CACFD1: variants seen among roughly 807,000 people sequenced by gnomAD.
CACFD1 encodes calcium channel flower domain containing 1.
A neutral mutation model predicts 21.3 loss-of-function variants in CACFD1; 26 were observed. The ratio of observed to expected loss-of-function variants is 1.22; its 90% CI spans 0.89 to 1.69. The LOEUF (loss-of-function observed/expected upper bound fraction) is 1.69. Ranked by LOEUF, CACFD1 falls within the 40% of genes most tolerant of loss-of-function variation. The pLI is 0.00. For missense variants in CACFD1, 265 were observed against 236.2 expected, an observed-to-expected ratio of 1.12 and a Z score of -0.80; for synonymous variants, 121 against 106.6, an observed-to-expected ratio of 1.13 and a Z score of -0.83.
At chr9:133,468,314 C>A in intron 4 of CACFD1, 1 of 1,531,628 alleles carries the variant, frequency 6.5e-7, no homozygotes, top group Non-Finnish European at 8.7e-7. Context: ...GGGCATTGTA[C>A]TCAGTTGCCA....
Position 133,468,030 on chromosome 9 carries a change from T to A in CACFD1, c.428+2T>A, listed in dbSNP as rs1303491224. On this transcript the variant is annotated splice_donor_variant, in intron 4 of 4. Coordinates refer to ENST00000316948, the MANE Select transcript of CACFD1 (RefSeq NM_017586.5). LOFTEE classifies it high-confidence loss of function. ...CGGACTCTCTGCTCTGGGCAAAAAG[T>A]GCGTCTGCCAGGCCCAGCCCCTGGG... is the stretch of plus-strand genomic sequence containing the variant. The A allele has an allele frequency of 1.2e-6, 2 of 1,611,900 alleles. No individual in the cohort carries two copies. Among genetic ancestry groups the A allele is most frequent in the Non-Finnish European group, 1.7e-6 (2 of 1,178,490 alleles).
At chr9:133,467,008 C>T (rs1158024459) in intron 3 of CACFD1, among the ~76,000 whole-genome samples, 4 of 152,174 alleles carry the variant, frequency 2.6e-5, no homozygotes, top group Non-Finnish European at 4.4e-5. Context: ...GAAGGTTCCC[C>T]GCCGTGGTCT....
chr9:133,460,497 C>CGGGGGCGGGGGGGGGGCGGGGGGGCGG (rs1554798223), intron 1 of CACFD1, among the ~76,000 whole-genome samples: 1 of 148,166 alleles, frequency 6.7e-6, no homozygotes, highest in Non-Finnish European at 1.5e-5. Flanking sequence ...GGGGCACCGG[C>CGGGGGCGGGGGGGGGGCGGGGGGGCGG]CTGGGGCACG....
chr9:133,460,337 G>A, intron 1 of CACFD1, 150 bp downstream of exon 1: 1 of 702,536 alleles, frequency 1.4e-6, no homozygotes, highest in Non-Finnish European at 2.1e-6. Flanking sequence ...GGAATGGCGG[G>A]GCCGCCGGGA....
At chr9:133,460,844 C>T (rs587650545) in intron 1 of CACFD1, among the ~76,000 whole-genome samples, 15 of 152,322 alleles carry the variant, frequency 9.8e-5, no homozygotes, top group African/African-American at 3.6e-4. Flanking sequence ...GTTGCTGCTG[C>T]CTTAGCCGCC....
Position 133,468,868 on chromosome 9 carries a change from G to A in CACFD1, c.*215G>A. ...GGCTGCTGGACTTGAGGCAGAGCCT[G>A]CAGCAGCTGTGTGGACACTACCCAG... On this transcript the variant is annotated 3_prime_UTR_variant, in exon 5 of 5. Coordinates refer to ENST00000316948, the MANE Select transcript of CACFD1 (RefSeq NM_017586.5). 1 of 761,150 alleles carries A rather than the reference G, an allele frequency of 1.3e-6. No individual in the cohort carries two copies. Among genetic ancestry groups the A allele is most frequent in the Non-Finnish European group, 2.0e-6 (1 of 494,032 alleles). 47.1% of individuals were successfully genotyped at this position (761,150 alleles called of 1,614,324 possible).
rs1843607825 is a variant in CACFD1, at chr9:133,469,826, G to A, written c.*1173G>A. On this transcript the variant is annotated 3_prime_UTR_variant, in exon 5 of 5. Coordinates refer to ENST00000316948, the MANE Select transcript of CACFD1 (RefSeq NM_017586.5). ...GGCGGGTGTGGAAGATATTCCATCT[G>A]GGGCCAACCCCAGGCTGGGCCTGCG... 2 of 152,316 alleles carry A rather than the reference G, an allele frequency of 1.3e-5. No homozygotes were observed. The highest frequency in any genetic ancestry group is 2.4e-5 in the African/African-American group (1 of 41,476). The allele number at this position is 152,316 out of a possible 1,614,324, so 9.4% of individuals were successfully genotyped here. A position where few individuals can be genotyped will look rare whatever the true frequency, so the allele number is the denominator to read the frequency against.
Position 133,468,691 on chromosome 9 carries a change from G to C in CACFD1, c.*38G>C. 3.3e-6 allele frequency: 5 copies of C among 1,536,316 alleles called. No individual in the cohort carries two copies. The highest frequency in any genetic ancestry group is 4.4e-6 in the Non-Finnish European group (5 of 1,143,000). ...CCCTCCCTCCCTGTCCCCTCTTCTG[G>C]CTCTGTGTGGGTCCAAGTGAGGCCT... On this transcript the variant is annotated 3_prime_UTR_variant, in exon 5 of 5. Transcript: ENST00000316948.
intron 1 of CACFD1, chr9:133,462,005 T>C: frequency 1.0e-6 from 1 of 985,350 alleles, no homozygotes; most frequent in Non-Finnish European, 1.2e-6. Context: ...CAGGATTGCA[T>C]GGTGACAGCC....
chr9:133,461,957 G>C lies in CACFD1; in HGVS notation c.122-1526G>C, dbSNP rs184076353. 5.9e-4 allele frequency: 581 copies of C among 985,398 alleles called. 4 individuals are homozygous for C. In the African/African-American group the frequency reaches 9.0e-3, roughly 15 times the overall value. The allele number at this position is 985,398 out of a possible 1,614,324, so 61.0% of individuals were successfully genotyped here. ...AGTACCTGGAGAGGGTCTACCCTGGGTCCTAAGAGCATCTGGAGGTGATAC... is the reference window on the plus strand; with the variant it reads ...AGTACCTGGAGAGGGTCTACCCTGGCTCCTAAGAGCATCTGGAGGTGATAC... On this transcript the variant is annotated intron_variant, in intron 1 of 4. Transcript: ENST00000316948.
In CACFD1 at chr9:133,463,424, C is replaced by G. The variant is rs782375986; in HGVS notation, c.122-59C>G. On this transcript the variant is annotated intron_variant, in intron 1 of 4. Coordinates refer to ENST00000316948, the MANE Select transcript of CACFD1 (RefSeq NM_017586.5). ...CTTTCCAGTCATCTCCCAAGGCCGC[C>G]TTCCCAGCGGGCTCCGCCTGCCTCC... The G allele has an allele frequency of 7.4e-6, 12 of 1,611,944 alleles. No homozygotes were observed. In the Admixed American group the frequency reaches 1.2e-4, roughly 16 times the overall value.
intron 3 of CACFD1, among the ~76,000 whole-genome samples, chr9:133,467,228 C>G (rs952500223): frequency 1.3e-5 from 2 of 152,158 alleles, no homozygotes; most frequent in Non-Finnish European, 2.9e-5. Flanking sequence ...CCCAGTTAGC[C>G]CAGGAATTGC....
At chr9:133,460,238 C>T (rs967974377) in intron 1 of CACFD1, 51 bp downstream of exon 1, 5 of 1,457,278 alleles carry the variant, frequency 3.4e-6, no homozygotes, top group Admixed American at 4.6e-5. Context: ...ATGCGCTCCT[C>T]GCCCTGCCCT....
chr9:133,465,467 G>C lies in CACFD1; in HGVS notation c.320+20G>C, dbSNP rs1843400731. The C allele has an allele frequency of 6.3e-7, 1 of 1,593,074 alleles. No individual in the cohort carries two copies. The highest frequency in any genetic ancestry group is 1.3e-5 in the African/African-American group (1 of 74,566). On this transcript the variant is annotated intron_variant, in intron 3 of 4. Transcript: ENST00000316948. The surrounding 1 kb of genome is among the most constrained non-coding windows in gnomAD (Gnocchi z 5.0). Reference sequence around the variant, plus strand: ...CTGCGGGTGAGGGGTTGCTGGGCAGGGTCCCGTGACACAGTTCCCCAAAAC... The same window carrying C: ...CTGCGGGTGAGGGGTTGCTGGGCAGCGTCCCGTGACACAGTTCCCCAAAAC...
intron 1 of CACFD1, 42 bp from the exon 2 acceptor site, chr9:133,463,441 C>T: frequency 6.2e-7 from 1 of 1,613,356 alleles, no homozygotes; most frequent in Non-Finnish European, 8.5e-7. Context: ...GCGGGCTCCG[C>T]CTGCCTCCCT....
chr9:133,461,102 ATGTC>A (rs1261082549), intron 1 of CACFD1, among the ~76,000 whole-genome samples: 1 of 152,186 alleles, frequency 6.6e-6, no homozygotes, highest in African/African-American at 2.4e-5. Flanking sequence ...GTCTTAGAGA[ATGTC>A]TGTCGAGGAT....
chr9:133,468,682 C>A lies in CACFD1; in HGVS notation c.*29C>A. 6.5e-7 allele frequency: 1 copy of A among 1,544,250 alleles called. No individual in the cohort carries two copies. Among genetic ancestry groups the A allele is most frequent in the East Asian group, 2.4e-5 (1 of 42,320 alleles). The stretch of plus-strand genomic sequence containing the variant: ...GCTGGGCGCCCCTCCCTCCCTGTCC[C>A]CTCTTCTGGCTCTGTGTGGGTCCAA... On this transcript the variant is annotated 3_prime_UTR_variant, in exon 5 of 5. Coordinates refer to ENST00000316948, the MANE Select transcript of CACFD1 (RefSeq NM_017586.5).
chr9:133,460,401 C>T (rs1843107160), intron 1 of CACFD1, among the ~76,000 whole-genome samples: 2 of 114,004 alleles, frequency 1.8e-5, no homozygotes, highest in Non-Finnish European at 4.2e-5. Flanking sequence ...CGCCTTGGTA[C>T]CCCGGGCTGG....
rs1843552218 is a variant in CACFD1 at position 133,468,685 on chromosome 9, C to T, written c.*32C>T. 1 of 1,541,540 alleles carries T rather than the reference C, an allele frequency of 6.5e-7. No individual in the cohort carries two copies. Among genetic ancestry groups the T allele is most frequent in the South Asian group, 1.2e-5 (1 of 82,894 alleles). On this transcript the variant is annotated 3_prime_UTR_variant, in exon 5 of 5. Transcript: ENST00000316948. ...GGGCGCCCCTCCCTCCCTGTCCCCTCTTCTGGCTCTGTGTGGGTCCAAGTG... is the reference window on the plus strand; with the variant it reads ...GGGCGCCCCTCCCTCCCTGTCCCCTTTTCTGGCTCTGTGTGGGTCCAAGTG...
Sources: allele counts gnomAD v4.1 joint callset (sites outside exome capture counted in the v4.1 genomes callset), GRCh38; gene constraint gnomAD v4.1.1; non-coding constraint Gnocchi (gnomAD v3.1); transcripts MANE v1.5; gene names NCBI Gene and HGNC (gene_info 2026-07-23, HGNC 2026-07-21).